Variants in TLK2 observed in about 807,000 individuals in gnomAD.
The protein encoded by TLK2 is serine/threonine-protein kinase tousled-like 2.
In TLK2, 6 loss-of-function variants were observed where a neutral mutation model predicts 117.3. That is an observed-to-expected ratio of 0.05 (90% CI 0.03 to 0.10). The LOEUF is 0.10. Ranked by LOEUF, TLK2 falls within the 10% of genes least tolerant of loss-of-function variation. The probability of loss-of-function intolerance (pLI) is 1.00; values close to 1 mark genes in which losing one functional copy is unlikely to be tolerated. For missense variants in TLK2, 299 were observed against 901.2 expected (o/e 0.33, Z 8.56); for synonymous variants, 257 against 316.7 (o/e 0.81, Z 2.00).
At chr17:62,549,419 A>AG (rs1555630561) in intron 7 of TLK2, among the ~76,000 whole-genome samples, 3 of 7,746 alleles carry the variant, frequency 3.9e-4, no homozygotes, top group African/African-American at 6.2e-4. Flanking sequence ...AAAAAAAAAA[A>AG]AAAAAAAAAA....
intron 2 of TLK2, among the ~76,000 whole-genome samples, chr17:62,491,626 C>T (rs1380130219): frequency 6.6e-6 from 1 of 152,086 alleles, no homozygotes; most frequent in Admixed American, 6.6e-5. Flanking sequence ...TTGCTCTGTC[C>T]CCAGGCTCCT....
At chr17:62,569,302 CAA>C (rs776975804) in intron 11 of TLK2, among the ~76,000 whole-genome samples, 2 of 95,162 alleles carry the variant, frequency 2.1e-5, no homozygotes, top group Admixed American at 1.1e-4. Context: ...ACTTCGTCTC[CAA>C]AAAAAAAAAA....
rs1479221947 is a variant in TLK2, at chr17:62,516,807, A to T, written c.82-3966A>T. The T allele has an allele frequency of 1.4e-5, 18 of 1,260,962 alleles. No homozygotes were observed. The Admixed American group carries it at 2.8e-4, about 19-fold the overall frequency. The allele number at this position is 1,260,962 out of a possible 1,614,324, so 78.1% of individuals were successfully genotyped here. ...GGTCCGGGGCCGGGGCTGGAAAGCT[A>T]GTTTTAGTTCTTATGTTTAGGTCTT... On this transcript the variant is annotated intron_variant, in intron 2 of 21. Transcript: ENST00000346027.
chr17:62,549,526 G>T (rs2078272140), intron 7 of TLK2, among the ~76,000 whole-genome samples: 1 of 149,406 alleles, frequency 6.7e-6, no homozygotes, highest in African/African-American at 2.5e-5. Flanking sequence ...TTGTATCCTA[G>T]TGCATTATAA....
At chr17:62,533,119 TGTTTTG>T (rs1163424999) in intron 6 of TLK2, among the ~76,000 whole-genome samples, 1 of 151,866 alleles carries the variant, frequency 6.6e-6, no homozygotes, top group Non-Finnish European at 1.5e-5. Context: ...AATACTTGTG[TGTTTTG>T]GTTTTTGTTT....
chr17:62,577,547 G>A (rs1436762284), intron 13 of TLK2, among the ~76,000 whole-genome samples: 2 of 152,146 alleles, frequency 1.3e-5, no homozygotes, highest in Non-Finnish European at 2.9e-5. Context: ...CATAGAATTT[G>A]TTATTGATGA....
intron 2 of TLK2, among the ~76,000 whole-genome samples, chr17:62,482,020 A>G (rs2071715436): frequency 6.6e-6 from 1 of 151,918 alleles, no homozygotes; most frequent in African/African-American, 2.4e-5. Context: ...ATCTCGGCTC[A>G]CTGCAGCCTC....
chr17:62,558,296 G>A (rs2079013552), intron 9 of TLK2, among the ~76,000 whole-genome samples: 2 of 151,966 alleles, frequency 1.3e-5, no homozygotes, highest in Admixed American at 6.6e-5. Context: ...CCGAACAGCT[G>A]GCATCAGAGG....
chr17:62,581,438 CTTTTTTT>C (rs11334252), intron 15 of TLK2, among the ~76,000 whole-genome samples: 3 of 121,298 alleles, frequency 2.5e-5, no homozygotes, highest in African/African-American at 6.3e-5. Context: ...ATTCTAGTAT[CTTTTTTT>C]TTTTTTTTTT....
At chr17:62,602,588 G>A (rs1354864168) in intron 19 of TLK2, among the ~76,000 whole-genome samples, 1 of 152,144 alleles carries the variant, frequency 6.6e-6, no homozygotes, top group East Asian at 1.9e-4. Flanking sequence ...AGTTGCCTGA[G>A]GATGTTGGAC....
Position 62,576,799 on chromosome 17 carries a change from C to T in TLK2, c.1188+24C>T, listed in dbSNP as rs979155662. The stretch of plus-strand genomic sequence containing the variant: ...AGGTAAGTATAATGAGAAAATCTCC[C>T]TGGAGAAATGTGATACCTAGTTTAA... On this transcript the variant is annotated intron_variant, in intron 13 of 21. Coordinates refer to ENST00000346027, the MANE Select transcript of TLK2 (RefSeq NM_006852.6). 3.8e-6 allele frequency: 6 copies of T among 1,577,458 alleles called. No homozygotes were observed. The East Asian group carries it at 1.1e-4, about 29-fold the overall frequency.
chr17:62,586,543 C>T (rs944894571), intron 16 of TLK2, among the ~76,000 whole-genome samples: 13 of 152,024 alleles, frequency 8.6e-5, no homozygotes, highest in African/African-American at 2.7e-4. Context: ...TTTTGCTGGC[C>T]GGGCACGGTG....
intron 17 of TLK2, among the ~76,000 whole-genome samples, chr17:62,599,779 A>C (rs748164826): frequency 2.0e-5 from 3 of 152,154 alleles, no homozygotes; most frequent in Non-Finnish European, 4.4e-5. Flanking sequence ...TTCCAGGCTA[A>C]ACTGACTGAT....
At chr17:62,586,007 T>C (rs1483830090) in intron 15 of TLK2, 128 bp from the exon 16 acceptor site, 15 of 639,198 alleles carry the variant, frequency 2.3e-5, no homozygotes, top group South Asian at 2.3e-4. Flanking sequence ...AACACTGATA[T>C]AAGTATGTGA....
At position 62,615,374 on chromosome 17, in the gene TLK2, A is replaced by G. The variant is rs1372168003; in HGVS notation, c.*2809A>G. ...CCACAATGTTGATTTACTTTACACA[A>G]TGACAGTATGTATTAATTTGTAATT... On this transcript the variant is annotated 3_prime_UTR_variant, in exon 22 of 22. Coordinates refer to ENST00000346027, the MANE Select transcript of TLK2 (RefSeq NM_006852.6). The G allele has an allele frequency of 2.0e-5, 3 of 152,172 alleles. No individual in the cohort carries two copies. Among genetic ancestry groups the G allele is most frequent in the African/African-American group, 7.2e-5 (3 of 41,450 alleles). The allele number at this position is 152,172 out of a possible 1,614,324, so 9.4% of individuals were successfully genotyped here.
rs144707646 is a variant in TLK2, at chr17:62,494,205, C to T, written c.81+12999C>T. 2.2e-4 allele frequency among the ~76,000 whole-genome samples: 33 copies of T among 152,210 alleles called. 1 individual carries two copies. In the East Asian group the frequency reaches 6.2e-3, roughly 29 times the overall value. On this transcript the variant is annotated intron_variant, in intron 2 of 21. Transcript: ENST00000346027. Reference sequence around the variant, plus strand: ...TCAAGCGATTCTTCTGTCTCAGCCTCTCAAGTAGCTGGGACTACAGGCGTG... The same window carrying T: ...TCAAGCGATTCTTCTGTCTCAGCCTTTCAAGTAGCTGGGACTACAGGCGTG...
upstream of TLK2, among the ~76,000 whole-genome samples, chr17:62,476,358 C>G (rs1264180006): frequency 6.6e-6 from 1 of 151,580 alleles, no homozygotes; most frequent in South Asian, 2.1e-4. Flanking sequence ...CCGAGGTGGG[C>G]GGATCACGAG....
chr17:62,516,697 T>TGA (rs1567832366), intron 2 of TLK2: 2 of 1,606,866 alleles, frequency 1.2e-6, no homozygotes, highest in Non-Finnish European at 1.7e-6. Flanking sequence ...GACATCCTTC[T>TGA]TGGCCACCAT....
intron 2 of TLK2, among the ~76,000 whole-genome samples, chr17:62,481,812 AT>A (rs2071684838): frequency 6.6e-6 from 1 of 152,182 alleles, no homozygotes; most frequent in Non-Finnish European, 1.5e-5. Context: ...CTCTGCTCTC[AT>A]AGGATGATTT....
Sources: gnomAD v4.1 joint callset for allele counts (sites outside exome capture counted in the v4.1 genomes callset) on GRCh38, gnomAD v4.1.1 for gene constraint, MANE v1.5 for transcripts, NCBI Gene and HGNC (gene_info 2026-07-23, HGNC 2026-07-21) for gene names.